The following ADGB variants were observed in gnomAD, a reference collection of about 807,000 sequenced individuals.
The protein encoded by ADGB is calpain-7-like protein.
A neutral mutation model predicts 210.5 loss-of-function variants in ADGB; 172 were observed. The observed-to-expected ratio is 0.82, with a 90% CI of 0.72 to 0.93. The LOEUF is 0.93. Among genes scored for constraint, ADGB ranks in the 40% least tolerant of loss-of-function variants. The pLI is 0.00. For missense variants in ADGB, 2,025 were observed against 1,964.8 expected, an observed-to-expected ratio of 1.03 and a Z score of -0.58; for synonymous variants, 658 against 662.7, an observed-to-expected ratio of 0.99 and a Z score of 0.11.
intron 17 of ADGB, among the ~76,000 whole-genome samples, chr6:146,722,305 C>T (rs1776829911): frequency 6.6e-6 from 1 of 152,152 alleles, no homozygotes; most frequent in South Asian, 2.1e-4. Flanking sequence ...ACAGAACTCC[C>T]ACTCCTACAA....
At chr6:146,716,804 G>C (rs1041820089) in intron 14 of ADGB, 79 bp from the exon 15 acceptor site, 39 of 1,334,776 alleles carry the variant, frequency 2.9e-5, no homozygotes, top group Non-Finnish European at 3.8e-5. Context: ...TGATATTTAA[G>C]TTTCCCTTTA....
At chr6:146,627,700 T>C (rs1351998404) in intron 1 of ADGB, among the ~76,000 whole-genome samples, 1 of 152,162 alleles carries the variant, frequency 6.6e-6, no homozygotes, top group South Asian at 2.1e-4. Flanking sequence ...AATACTTTGC[T>C]AAATATTCGT....
intron 5 of ADGB, among the ~76,000 whole-genome samples, chr6:146,662,662 G>T (rs935076648): frequency 6.6e-6 from 1 of 151,740 alleles, no homozygotes; most frequent in Non-Finnish European, 1.5e-5. Context: ...GACTTTTCTG[G>T]GTTTTGGTAT....
intron 17 of ADGB, among the ~76,000 whole-genome samples, chr6:146,721,816 C>A (rs1354591246): frequency 6.6e-6 from 1 of 152,042 alleles, no homozygotes; most frequent in Non-Finnish European, 1.5e-5. Flanking sequence ...CCAACCTGGG[C>A]AACAAGAGTG....
chr6:146,654,115 T>C lies in ADGB; in HGVS notation c.331-20T>C, dbSNP rs1775742023. 1.4e-6 allele frequency: 2 copies of C among 1,402,340 alleles called. No individual in the cohort carries two copies. Among genetic ancestry groups the C allele is most frequent in the South Asian group, 1.3e-5 (1 of 78,534 alleles). The allele number at this position is 1,402,340 out of a possible 1,614,324, so 86.9% of individuals were successfully genotyped here. A position where few individuals can be genotyped will look rare whatever the true frequency, so the allele number is the denominator to read the frequency against. ...ATTATTTTTCTTATGGAGTAATATA[T>C]ACATATATATTTTTTTCAGACTCCA... On this transcript the variant is annotated intron_variant, in intron 3 of 35. Transcript: ENST00000397944.
At chr6:146,744,356 A>G (rs1231701428) in intron 25 of ADGB, among the ~76,000 whole-genome samples, 1 of 152,238 alleles carries the variant, frequency 6.6e-6, no homozygotes, top group African/African-American at 2.4e-5. Flanking sequence ...ATCCTGACCC[A>G]TACGAAATTC....
intron 1 of ADGB, among the ~76,000 whole-genome samples, chr6:146,618,654 TAC>T (rs1192705550): frequency 1.3e-5 from 2 of 151,334 alleles, no homozygotes; most frequent in Non-Finnish European, 3.0e-5. Context: ...CATGAATTTT[TAC>T]AGTTTCCAGC....
intron 25 of ADGB, among the ~76,000 whole-genome samples, chr6:146,744,927 C>T (rs918076548): frequency 6.6e-6 from 1 of 152,074 alleles, no homozygotes; most frequent in Non-Finnish European, 1.5e-5. Context: ...GTACAATGAA[C>T]TCAAATAATA....
chr6:146,610,631 GA>G, intron 1 of ADGB, among the ~76,000 whole-genome samples: 1 of 152,258 alleles, frequency 6.6e-6, no homozygotes, highest in Middle Eastern at 3.4e-3. Context: ...CAGCACTCCT[GA>G]GCTGTATGCT....
chr6:146,735,092 G>A (rs1458232852), intron 22 of ADGB, among the ~76,000 whole-genome samples: 1 of 151,654 alleles, frequency 6.6e-6, no homozygotes, highest in Non-Finnish European at 1.5e-5. Context: ...AAATGTTTAA[G>A]CAGTAAAAAC....
chr6:146,634,891 A>G (rs1439104199), intron 1 of ADGB, among the ~76,000 whole-genome samples: 1 of 152,076 alleles, frequency 6.6e-6, no homozygotes, highest in Non-Finnish European at 1.5e-5. Flanking sequence ...ATCTTATACA[A>G]TCCTTAAATT....
intron 33 of ADGB, among the ~76,000 whole-genome samples, chr6:146,795,388 A>C (rs1562303196): frequency 6.6e-6 from 1 of 152,174 alleles, no homozygotes; most frequent in Admixed American, 6.5e-5. Flanking sequence ...AAGGGAGAAA[A>C]TTTTTGCAAA....
At chr6:146,734,062 T>C (rs1777043792) in intron 22 of ADGB, 32 bp downstream of exon 22, 1 of 1,540,866 alleles carries the variant, frequency 6.5e-7, no homozygotes, top group South Asian at 1.2e-5. Context: ...TAAAATGAAC[T>C]TGTTTGTATA....
intron 20 of ADGB, among the ~76,000 whole-genome samples, chr6:146,732,737 T>C (rs537549097): frequency 8.5e-5 from 13 of 152,330 alleles, no homozygotes; most frequent in African/African-American, 3.1e-4. Context: ...TTTCATTTTA[T>C]GTAGCATATG....
Position 146,740,442 on chromosome 6 carries a change from TA to T in ADGB, c.2889-16del. 6.6e-7 allele frequency: 1 copy of T among 1,508,314 alleles called. No individual in the cohort carries two copies. Among genetic ancestry groups the T allele is most frequent in the Non-Finnish European group, 8.9e-7 (1 of 1,126,334 alleles). 93.4% of individuals were successfully genotyped at this position (1,508,314 alleles called of 1,614,324 possible). A position where few individuals can be genotyped will look rare whatever the true frequency, so the allele number is the denominator to read the frequency against. On this transcript the variant is annotated splice_polypyrimidine_tract_variant and intron_variant, in intron 23 of 35. Transcript: ENST00000397944. Reference sequence around the variant, plus strand: ...TGGCTTTTGCCATTGATACATAATTTATTTTTATATTTCTAGACTAATGTTT... The same window carrying T: ...TGGCTTTTGCCATTGATACATAATTTTTTTTATATTTCTAGACTAATGTTT...
In ADGB at chr6:146,694,332, G is replaced by A. The variant is rs535168373; in HGVS notation, c.1577+1417G>A. On this transcript the variant is annotated intron_variant, in intron 12 of 35. Transcript: ENST00000397944. ...CGCCAGCAGAGTCAATTTCTGGCAA[G>A]GGTCTGCTTCCTCATGCATGGCATC... Among the ~76,000 whole-genome samples the A allele has an allele frequency of 1.2e-4, 18 of 152,246 alleles. No individual in the cohort carries two copies. The East Asian group carries it at 3.3e-3, about 28-fold the overall frequency.
intron 1 of ADGB, among the ~76,000 whole-genome samples, chr6:146,620,343 C>T (rs1780870043): frequency 1.3e-5 from 2 of 152,066 alleles, no homozygotes; most frequent in African/African-American, 4.8e-5. Context: ...AATTTTCAGC[C>T]ATTATTTCTT....
intron 13 of ADGB, among the ~76,000 whole-genome samples, chr6:146,707,858 C>A (rs905275648): frequency 1.3e-5 from 2 of 151,974 alleles, no homozygotes; most frequent in Non-Finnish European, 2.9e-5. Context: ...GGTAGGTAAG[C>A]AGTTACTACT....
At chr6:146,756,736 T>C (rs1777411275) in intron 27 of ADGB, among the ~76,000 whole-genome samples, 1 of 151,810 alleles carries the variant, frequency 6.6e-6, no homozygotes, top group African/African-American at 2.4e-5. Flanking sequence ...CATCATTTTG[T>C]TCCTAAATTT....
Sources: gnomAD v4.1 joint callset for allele counts (sites outside exome capture counted in the v4.1 genomes callset) on GRCh38, gnomAD v4.1.1 for gene constraint, MANE v1.5 for transcripts, NCBI Gene and HGNC (gene_info 2026-07-23, HGNC 2026-07-21) for gene names.